UBE2L3: variants seen among roughly 807,000 people sequenced by gnomAD.
UBE2L3 encodes ubiquitin-conjugating enzyme E2 L3.
A neutral mutation model predicts 17.8 loss-of-function variants in UBE2L3; 1 was observed. That is an observed-to-expected ratio of 0.06 (90% CI 0.02 to 0.27). The LOEUF (loss-of-function observed/expected upper bound fraction) is 0.27, where lower values mean the gene tolerates loss of function less well. Ranked by LOEUF, UBE2L3 falls within the 10% of genes least tolerant of loss-of-function variation. The probability of loss-of-function intolerance (pLI) is 1.00; values close to 1 mark genes in which losing one functional copy is unlikely to be tolerated. For synonymous variants in UBE2L3, 44 were observed against 68.5 expected (o/e 0.64, Z 1.76); for missense variants, 40 against 192.6 (o/e 0.21, Z 4.69).
chr22:21,576,322 G>A (rs896641589), intron 1 of UBE2L3, among the ~76,000 whole-genome samples: 1 of 150,584 alleles, frequency 6.6e-6, no homozygotes, highest in African/African-American at 2.4e-5. Flanking sequence ...TTTTGAGATG[G>A]AATCTTGCTC....
At chr22:21,612,878 C>G (rs1198038502) in intron 3 of UBE2L3, among the ~76,000 whole-genome samples, 1 of 151,890 alleles carries the variant, frequency 6.6e-6, no homozygotes, top group Non-Finnish European at 1.5e-5. Flanking sequence ...ATTAGGTGAT[C>G]CACCTGCCTC....
intron 3 of UBE2L3, among the ~76,000 whole-genome samples, chr22:21,620,400 C>T (rs1039790916): frequency 2.0e-5 from 3 of 152,088 alleles, no homozygotes; most frequent in Non-Finnish European, 4.4e-5. Context: ...CACTGCACTC[C>T]AGTCTGAGTG....
intron 1 of UBE2L3, among the ~76,000 whole-genome samples, chr22:21,555,791 G>T (rs1165711478): frequency 1.3e-5 from 2 of 149,818 alleles, no homozygotes; most frequent in Admixed American, 6.7e-5. Context: ...AATTAGCCAG[G>T]CATGGTGGCA....
chr22:21,565,494 A>G (rs1261373295), upstream of UBE2L3, among the ~76,000 whole-genome samples: 1 of 151,618 alleles, frequency 6.6e-6, no homozygotes, highest in Non-Finnish European at 1.5e-5. Flanking sequence ...ACTCACACCT[A>G]TAATCCCAGC....
intron 1 of UBE2L3, among the ~76,000 whole-genome samples, chr22:21,580,715 G>T (rs1007497207): frequency 2.3e-4 from 35 of 152,074 alleles, no homozygotes; most frequent in Non-Finnish European, 8.8e-5. Context: ...CTCCCAAAAT[G>T]CGGGATTACA....
At chr22:21,577,791 A>AT (rs1927396319) in intron 1 of UBE2L3, among the ~76,000 whole-genome samples, 2 of 152,100 alleles carry the variant, frequency 1.3e-5, no homozygotes, top group South Asian at 4.2e-4. Flanking sequence ...TTCTTGTCAG[A>AT]TTTTGTCCCT....
chr22:21,564,203 T>G (rs1926555531), upstream of UBE2L3, among the ~76,000 whole-genome samples: 1 of 152,064 alleles, frequency 6.6e-6, no homozygotes, highest in Admixed American at 6.6e-5. Context: ...GCTAATTCTT[T>G]TTTTATTTTT....
Position 21,608,568 on chromosome 22 carries a change from G to A in UBE2L3, c.124-2289G>A, listed in dbSNP as rs760411059. 5.9e-5 allele frequency among the ~76,000 whole-genome samples: 9 copies of A among 151,878 alleles called. No homozygotes were observed. The South Asian group carries it at 6.3e-4, about 11-fold the overall frequency. On this transcript the variant is annotated intron_variant, in intron 2 of 3. Coordinates refer to ENST00000342192, the MANE Select transcript of UBE2L3 (RefSeq NM_003347.4). ...CCTCCCAAGTAGCTGGACTACAGGC[G>A]TGCACCACTACGCTCTGCTAATTTT...
intron 2 of UBE2L3, among the ~76,000 whole-genome samples, chr22:21,600,932 G>A (rs549797507): frequency 6.6e-6 from 1 of 152,184 alleles, no homozygotes; most frequent in African/African-American, 2.4e-5. Flanking sequence ...CACTTTGTGG[G>A]GCTGAGGAGG....
chr22:21,563,460 G>A (rs1926521255), upstream of UBE2L3, among the ~76,000 whole-genome samples: 1 of 145,474 alleles, frequency 6.9e-6, no homozygotes, highest in East Asian at 2.1e-4. Flanking sequence ...CACTCAGGAG[G>A]CTGAGGCGGG....
intron 1 of UBE2L3, among the ~76,000 whole-genome samples, chr22:21,577,180 G>A (rs892934416): frequency 6.6e-6 from 1 of 151,864 alleles, no homozygotes; most frequent in African/African-American, 2.4e-5. Flanking sequence ...ATGTTAGCCA[G>A]GATGGTCTCG....
intron 1 of UBE2L3, among the ~76,000 whole-genome samples, chr22:21,556,591 G>A (rs1310280070): frequency 3.9e-5 from 6 of 152,100 alleles, no homozygotes; most frequent in South Asian, 2.1e-4. Context: ...CACCATGCCC[G>A]GCTAATTTTT....
At chr22:21,557,978 A>C (rs1292200102) in intron 1 of UBE2L3, among the ~76,000 whole-genome samples, 2 of 149,120 alleles carry the variant, frequency 1.3e-5, no homozygotes, top group Admixed American at 1.3e-4. Context: ...ACACCATCCC[A>C]GTACATAATG....
chr22:21,610,623 A>T (rs1015604179), intron 2 of UBE2L3, among the ~76,000 whole-genome samples: 1 of 152,210 alleles, frequency 6.6e-6, no homozygotes, highest in East Asian at 1.9e-4. Flanking sequence ...TCTATTTTTT[A>T]AAAAAGTATG....
intron 2 of UBE2L3, 151 bp from the exon 3 acceptor site, chr22:21,610,705 TG>T: frequency 1.3e-6 from 1 of 784,940 alleles, no homozygotes; most frequent in Non-Finnish European, 1.9e-6. Context: ...TACTTTTGGG[TG>T]GCTGGGTTGT....
chr22:21,585,902 G>T (rs1290239105), intron 1 of UBE2L3, among the ~76,000 whole-genome samples: 1 of 152,048 alleles, frequency 6.6e-6, no homozygotes, highest in Admixed American at 6.6e-5. Flanking sequence ...TATTTTGTTG[G>T]GGGAAGGGTC....
intron 2 of UBE2L3, among the ~76,000 whole-genome samples, chr22:21,597,048 G>A (rs751338355): frequency 4.6e-5 from 7 of 151,648 alleles, no homozygotes; most frequent in Non-Finnish European, 7.4e-5. Flanking sequence ...GCACAGTCTC[G>A]TCTCACTGCA....
intron 2 of UBE2L3, among the ~76,000 whole-genome samples, chr22:21,605,240 C>A (rs1471789842): frequency 1.3e-5 from 2 of 152,206 alleles, no homozygotes; most frequent in East Asian, 3.9e-4. Flanking sequence ...ATCGCCTAGG[C>A]AGGAGTGCAG....
chr22:21,585,739 T>A (rs1340781224), intron 1 of UBE2L3, among the ~76,000 whole-genome samples: 1 of 152,100 alleles, frequency 6.6e-6, no homozygotes, highest in Admixed American at 6.6e-5. Flanking sequence ...CCAGAAGACA[T>A]CCTGGGGAAA....
Sources: gnomAD v4.1 joint callset for allele counts (sites outside exome capture counted in the v4.1 genomes callset) on GRCh38, gnomAD v4.1.1 for gene constraint, MANE v1.5 for transcripts, NCBI Gene and HGNC (gene_info 2026-07-23, HGNC 2026-07-21) for gene names.